Variants in BABAM2 observed in about 807,000 individuals in gnomAD.
BABAM2 encodes the protein BRISC and BRCA1 A complex member 2, also known as BRISC and BRCA1-A complex member 2.
In BABAM2, 31 loss-of-function variants were observed where a neutral mutation model predicts 54.7. The ratio of observed to expected loss-of-function variants is 0.57; its 90% CI spans 0.43 to 0.77. The LOEUF is 0.77. BABAM2 is among the 30% of genes least tolerant of loss of function. The probability of loss-of-function intolerance (pLI) is 0.00; values close to 1 mark genes in which losing one functional copy is unlikely to be tolerated. For synonymous variants in BABAM2, 167 were observed against 162.9 expected (o/e 1.03, Z -0.19); for missense variants, 364 against 455.8 (o/e 0.80, Z 1.83).
chr2:28,244,247 A>G (rs578056661), intron 9 of BABAM2, among the ~76,000 whole-genome samples: 6 of 152,286 alleles, frequency 3.9e-5, no homozygotes, highest in African/African-American at 1.4e-4. Context: ...AACCCAGCTC[A>G]AGAAGAAAAG....
intron 5 of BABAM2, among the ~76,000 whole-genome samples, chr2:28,030,524 C>T (rs1328395662): frequency 6.6e-6 from 1 of 152,016 alleles, no homozygotes; most frequent in Non-Finnish European, 1.5e-5. Context: ...CAGGGAAGAT[C>T]AAGAAACAGG....
intron 6 of BABAM2, among the ~76,000 whole-genome samples, chr2:28,096,807 G>A (rs993311176): frequency 8.2e-5 from 12 of 145,664 alleles, no homozygotes; most frequent in African/African-American, 2.8e-4. Flanking sequence ...AGAACATCTT[G>A]CACTAATTTC....
intron 2 of BABAM2, among the ~76,000 whole-genome samples, chr2:27,901,883 G>T (rs1161782489): frequency 6.6e-6 from 1 of 151,894 alleles, no homozygotes; most frequent in Non-Finnish European, 1.5e-5. Flanking sequence ...TTCCTCAACA[G>T]TATTATTTTG....
intron 7 of BABAM2, among the ~76,000 whole-genome samples, chr2:28,203,341 C>T (rs952499275): frequency 6.6e-6 from 1 of 152,152 alleles, no homozygotes; most frequent in Non-Finnish European, 1.5e-5. Flanking sequence ...CATTTAGCTA[C>T]ATATGTCAAT....
Position 28,325,930 on chromosome 2 carries a change from G to T in BABAM2, c.1089-12520G>T, listed in dbSNP as rs1490213787. ...GACTCAGGGGAGGGGAAGGTTAGAG[G>T]CCTCAAGGAGTTGATCTCCTAAGTG... On this transcript the variant is annotated intron_variant, in intron 11 of 11. Coordinates refer to ENST00000379624, the MANE Select transcript of BABAM2 (RefSeq NM_199191.3). This position sits in a 1 kb window ranked among gnomAD's most constrained non-coding sequence, Gnocchi z 4.3. Among the ~76,000 whole-genome samples the T allele has an allele frequency of 1.3e-5, 2 of 152,202 alleles. No individual in the cohort carries two copies. The highest frequency in any genetic ancestry group is 2.4e-5 in the African/African-American group (1 of 41,452).
intron 10 of BABAM2, among the ~76,000 whole-genome samples, chr2:28,261,386 G>A (rs1230411015): frequency 6.6e-6 from 1 of 150,870 alleles, no homozygotes; most frequent in African/African-American, 2.4e-5. Flanking sequence ...GAGTGCAGTG[G>A]CACGAGGATC....
chr2:28,291,327 T>G (rs1267197049), intron 10 of BABAM2, among the ~76,000 whole-genome samples: 2 of 152,174 alleles, frequency 1.3e-5, no homozygotes, highest in African/African-American at 2.4e-5. Flanking sequence ...GCATAGTGGT[T>G]CACATCTATA....
chr2:28,156,343 T>C (rs925663914), intron 7 of BABAM2, among the ~76,000 whole-genome samples: 17 of 152,182 alleles, frequency 1.1e-4, no homozygotes, highest in African/African-American at 3.6e-4. Flanking sequence ...GATATGAATT[T>C]AAATTAATTG....
At chr2:27,978,006 A>C (rs1315429340) in intron 3 of BABAM2, among the ~76,000 whole-genome samples, 1 of 152,214 alleles carries the variant, frequency 6.6e-6, no homozygotes, top group African/African-American at 2.4e-5. Flanking sequence ...TAACTCTTGG[A>C]AATGAGTCAC....
At chr2:28,085,650 A>G (rs1459466697) in intron 6 of BABAM2, among the ~76,000 whole-genome samples, 2 of 152,124 alleles carry the variant, frequency 1.3e-5, no homozygotes, top group Non-Finnish European at 2.9e-5. Flanking sequence ...TTTTAGCCAT[A>G]CATGATTCAG....
At position 27,890,833 on chromosome 2, in the gene BABAM2, T is replaced by TA. The variant is rs1325041362; in HGVS notation, c.-32dup. ...CGTAGTCGCCGGTTACCGATCGGAC[T>TA]AAGTTCCAGGTACCTGGACTGGGGC... is the stretch of plus-strand genomic sequence containing the variant. On this transcript the variant is annotated 5_prime_UTR_variant, in exon 1 of 12. Coordinates refer to ENST00000379624, the MANE Select transcript of BABAM2 (RefSeq NM_199191.3). The surrounding 1 kb of genome is among the most constrained non-coding windows in gnomAD (Gnocchi z 4.8). 6.6e-6 allele frequency: 1 copy of TA among 152,568 alleles called. No individual in the cohort carries two copies. The highest frequency in any genetic ancestry group is 2.4e-5 in the African/African-American group (1 of 41,428). The allele number at this position is 152,568 out of a possible 1,614,324, so 9.5% of individuals were successfully genotyped here. A position where few individuals can be genotyped will look rare whatever the true frequency, so the allele number is the denominator to read the frequency against.
intron 8 of BABAM2, among the ~76,000 whole-genome samples, chr2:28,238,138 C>T (rs1558462134): frequency 6.6e-6 from 1 of 152,194 alleles, no homozygotes; most frequent in Non-Finnish European, 1.5e-5. Context: ...GCGTGAGCCA[C>T]CGCGCCCAGC....
chr2:28,186,809 T>G (rs1467465785), intron 7 of BABAM2, among the ~76,000 whole-genome samples: 1 of 28,284 alleles, frequency 3.5e-5, no homozygotes, highest in African/African-American at 9.6e-5. Flanking sequence ...GAATTCAACA[T>G]TTTTTTTTTT....
chr2:28,290,788 G>T (rs1200219862), intron 10 of BABAM2, among the ~76,000 whole-genome samples: 1 of 152,158 alleles, frequency 6.6e-6, no homozygotes, highest in Non-Finnish European at 1.5e-5. Context: ...TAACACTTGG[G>T]CCATCGTGTA....
At chr2:28,006,673 G>T (rs1197243663) in intron 4 of BABAM2, among the ~76,000 whole-genome samples, 5 of 151,982 alleles carry the variant, frequency 3.3e-5, no homozygotes, top group African/African-American at 7.2e-5. Context: ...ATCAAGTAAG[G>T]TGAATGATAC....
intron 3 of BABAM2, among the ~76,000 whole-genome samples, chr2:27,948,698 G>A (rs1232487514): frequency 6.6e-6 from 1 of 152,186 alleles, no homozygotes; most frequent in African/African-American, 2.4e-5. Context: ...TTGAACCCGG[G>A]AGGTGGAGGT....
upstream of BABAM2, chr2:27,890,179 A>C: frequency 1.4e-6 from 2 of 1,423,556 alleles, no homozygotes; most frequent in Non-Finnish European, 2.0e-6. The surrounding 1 kb of genome is among the most constrained non-coding windows in gnomAD (Gnocchi z 4.8). Flanking sequence ...CCCAGCGCCC[A>C]AAAGCTCCAC....
At chr2:27,908,800 T>C (rs1666373420) in intron 2 of BABAM2, among the ~76,000 whole-genome samples, 1 of 152,246 alleles carries the variant, frequency 6.6e-6, no homozygotes, top group Non-Finnish European at 1.5e-5. Context: ...TCTTTTTTTA[T>C]GGCTGTGTGC....
At chr2:28,161,167 G>T (rs147756373) in intron 7 of BABAM2, among the ~76,000 whole-genome samples, 438 of 152,272 alleles carry the variant, frequency 2.9e-3, no homozygotes, top group Non-Finnish European at 4.1e-3. Context: ...TTTTTAAGTG[G>T]CTTATAAAGC....
Sources: allele counts gnomAD v4.1 joint callset (sites outside exome capture counted in the v4.1 genomes callset), GRCh38; gene constraint gnomAD v4.1.1; non-coding constraint Gnocchi (gnomAD v3.1); transcripts MANE v1.5; gene names NCBI Gene and HGNC (gene_info 2026-07-23, HGNC 2026-07-21).